Variants in AP1M1 observed in about 807,000 individuals in gnomAD.
AP1M1 encodes the protein adaptor related protein complex 1 subunit mu 1.
In AP1M1, 18 loss-of-function variants were observed where a neutral mutation model predicts 57.1. The observed-to-expected ratio is 0.32, with a 90% confidence interval of 0.22 to 0.47. The LOEUF is 0.47. Ranked by LOEUF, AP1M1 falls within the 20% of genes least tolerant of loss-of-function variation. AP1M1 has a pLI of 1.00. For synonymous variants in AP1M1, 241 were observed against 237.9 expected, an observed-to-expected ratio of 1.01 and a Z score of -0.12; for missense variants, 362 against 593.5, an observed-to-expected ratio of 0.61 and a Z score of 4.05.
intron 1 of AP1M1, among the ~76,000 whole-genome samples, chr19:16,201,918 C>T (rs916705850): frequency 1.3e-5 from 2 of 152,164 alleles, no homozygotes; most frequent in African/African-American, 2.4e-5. Context: ...TGGGGACGGG[C>T]TTGGGCTTTG....
intron 5 of AP1M1, among the ~76,000 whole-genome samples, chr19:16,221,026 G>A (rs926668602): frequency 4.6e-5 from 7 of 152,166 alleles, no homozygotes; most frequent in African/African-American, 1.7e-4. Flanking sequence ...TGTTTCTACT[G>A]TTTGGGATTT....
At chr19:16,229,515 C>T (rs1362512243) in intron 9 of AP1M1, among the ~76,000 whole-genome samples, 3 of 152,198 alleles carry the variant, frequency 2.0e-5, no homozygotes, top group Admixed American at 6.5e-5. Flanking sequence ...GGAGCTGAGC[C>T]GGGTGGCACT....
rs772737904 is a variant in AP1M1, at chr19:16,245,622, G to C, written c.*11187G>C. The C allele has an allele frequency of 6.6e-6, 1 of 152,362 alleles. No individual in the cohort carries two copies. Among genetic ancestry groups the C allele is most frequent in the Non-Finnish European group, 1.5e-5 (1 of 68,050 alleles). The allele number at this position is 152,362 out of a possible 1,614,324, so 9.4% of individuals were successfully genotyped here. A position where few individuals can be genotyped will look rare whatever the true frequency, so the allele number is the denominator to read the frequency against. On this transcript the variant is annotated 3_prime_UTR_variant, in exon 12 of 12. Transcript: ENST00000291439. ...GACAGCATTTGGGGGGGAAAATAGC[G>C]TAGAGTTGGAATTTTTAAAATTCAG...
chr19:16,210,169 C>T (rs187745933), intron 5 of AP1M1, among the ~76,000 whole-genome samples: 3 of 152,300 alleles, frequency 2.0e-5, no homozygotes, highest in East Asian at 1.9e-4. Context: ...TAATTCTTTG[C>T]GATTCATCCA....
intron 5 of AP1M1, among the ~76,000 whole-genome samples, chr19:16,216,084 C>T (rs547902840): frequency 2.0e-4 from 30 of 152,224 alleles, no homozygotes; most frequent in Admixed American, 5.9e-4. Flanking sequence ...TATTATAATT[C>T]TTAGCCTCCT....
intron 9 of AP1M1, among the ~76,000 whole-genome samples, chr19:16,232,611 T>C (rs1361505739): frequency 6.6e-6 from 1 of 152,050 alleles, no homozygotes; most frequent in Non-Finnish European, 1.5e-5. Context: ...TCAGGCAGAG[T>C]CCTCACTCTC....
At chr19:16,210,134 C>T (rs563474941) in intron 5 of AP1M1, among the ~76,000 whole-genome samples, 12 of 152,290 alleles carry the variant, frequency 7.9e-5, no homozygotes, top group Non-Finnish European at 8.8e-5. Context: ...CATGAGCTCT[C>T]GAGTCTGGCT....
rs538364989 is a variant in AP1M1 at position 16,213,649 on chromosome 19, C to T, written c.546+4472C>T. ...AGTTGGGATTACAGGCACGCGCCAC[C>T]ACGCCTGGCGGTTTTCTATTTTTAG... On this transcript the variant is annotated intron_variant, in intron 5 of 11. Transcript: ENST00000291439. Among the ~76,000 whole-genome samples, 51 of 152,228 alleles carry T rather than the reference C, an allele frequency of 3.4e-4. 2 individuals carry two copies. In the South Asian group the frequency reaches 0.011, roughly 32 times the overall value.
intron 5 of AP1M1, among the ~76,000 whole-genome samples, chr19:16,220,528 T>C (rs908521796): frequency 2.0e-4 from 30 of 152,100 alleles, no homozygotes; most frequent in African/African-American, 7.2e-4. Context: ...GTAGTTGAGA[T>C]TACAGGCATG....
chr19:16,210,542 G>A, intron 5 of AP1M1: 1 of 591,872 alleles, frequency 1.7e-6, no homozygotes, highest in South Asian at 2.0e-5. Context: ...TAGTATGTCA[G>A]CACAGTTTTG....
chr19:16,200,700 G>A (rs2091443310), intron 1 of AP1M1, among the ~76,000 whole-genome samples: 1 of 152,218 alleles, frequency 6.6e-6, no homozygotes, highest in Non-Finnish European at 1.5e-5. Context: ...GGAGGAAGCT[G>A]TCCTAGTAGG....
chr19:16,199,920 T>C (rs796626682), intron 1 of AP1M1, among the ~76,000 whole-genome samples: 7 of 152,154 alleles, frequency 4.6e-5, no homozygotes, highest in Non-Finnish European at 1.0e-4. Context: ...AGGGTGTCCA[T>C]TGGCGCCATG....
chr19:16,206,233 A>C lies in AP1M1; in HGVS notation c.200-108A>C, dbSNP rs1006926668. On this transcript the variant is annotated intron_variant, in intron 2 of 11. Transcript: ENST00000291439. The surrounding 1 kb of genome is among the most constrained non-coding windows in gnomAD (Gnocchi z 4.3). ...CAAGTAAACGGCTGGGAGTGGGGAT[A>C]GGGAAGGCTCTGAGGGTTGTGAGGG... 1 of 1,120,082 alleles carries C rather than the reference A, an allele frequency of 8.9e-7. No individual in the cohort carries two copies. The highest frequency in any genetic ancestry group is 1.3e-6 in the Non-Finnish European group (1 of 754,610). 69.4% of individuals were successfully genotyped at this position (1,120,082 alleles called of 1,614,324 possible).
intron 5 of AP1M1, among the ~76,000 whole-genome samples, chr19:16,217,014 G>T (rs2091521895): frequency 6.6e-6 from 1 of 152,206 alleles, no homozygotes. Flanking sequence ...AGCAGCAGCA[G>T]TAGTGGCAGT....
At position 16,226,828 on chromosome 19, in the gene AP1M1, G is replaced by A. The variant is rs2091573322; in HGVS notation, c.673+281G>A. The A allele has an allele frequency of 1.2e-5, 4 of 326,270 alleles. No homozygotes were observed. In the South Asian group the frequency reaches 2.3e-4, roughly 19 times the overall value. The allele number at this position is 326,270 out of a possible 1,614,324, so 20.2% of individuals were successfully genotyped here. A position where few individuals can be genotyped will look rare whatever the true frequency, so the allele number is the denominator to read the frequency against. On this transcript the variant is annotated intron_variant, in intron 6 of 11. Coordinates refer to ENST00000291439, the MANE Select transcript of AP1M1 (RefSeq NM_032493.4). Reference sequence around the variant, plus strand: ...CTGCCCTGCTCTGCCTGGGGCACTGGGGCCTAGGCTAAGGCCTTGCTCTCT... The same window carrying A: ...CTGCCCTGCTCTGCCTGGGGCACTGAGGCCTAGGCTAAGGCCTTGCTCTCT...
At chr19:16,204,687 A>G (rs1345655719) in intron 2 of AP1M1, among the ~76,000 whole-genome samples, 1 of 152,156 alleles carries the variant, frequency 6.6e-6, no homozygotes, top group Non-Finnish European at 1.5e-5. Flanking sequence ...CAGAATCTGC[A>G]TTGTAGGAAG....
At chr19:16,231,669 G>A (rs765192353) in intron 9 of AP1M1, among the ~76,000 whole-genome samples, 4 of 152,086 alleles carry the variant, frequency 2.6e-5, no homozygotes, top group Admixed American at 6.6e-5. Flanking sequence ...TGCCTGCTTC[G>A]GCCTCCCAAA....
chr19:16,206,494 A>G lies in AP1M1; in HGVS notation c.267+86A>G. 7 of 1,439,868 alleles carry G rather than the reference A, an allele frequency of 4.9e-6. No individual in the cohort carries two copies. Among genetic ancestry groups the G allele is most frequent in the Non-Finnish European group, 3.9e-6 (4 of 1,027,532 alleles). 89.2% of individuals were successfully genotyped at this position (1,439,868 alleles called of 1,614,324 possible). A position where few individuals can be genotyped will look rare whatever the true frequency, so the allele number is the denominator to read the frequency against. On this transcript the variant is annotated intron_variant, in intron 3 of 11. Transcript: ENST00000291439. The surrounding 1 kb of genome is among the most constrained non-coding windows in gnomAD (Gnocchi z 4.3). ...ACCTCCCCATACCTGGCCACCCTAC[A>G]GAGAGCTGTGGCATCCCCAGGGAGC... is the stretch of plus-strand genomic sequence containing the variant.
Position 16,199,911 on chromosome 19 carries a change from G to A in AP1M1, c.42+1843G>A, listed in dbSNP as rs1391320523. 4.2e-4 allele frequency among the ~76,000 whole-genome samples: 64 copies of A among 152,184 alleles called. 1 individual carries two copies. Among genetic ancestry groups the A allele is most frequent in the Non-Finnish European group, 5.9e-5 (4 of 68,016 alleles). ...TGCACCCTGCCCTATGCCGGGCATA[G>A]GGTGTCCATTGGCGCCATGGCTGTG... On this transcript the variant is annotated intron_variant, in intron 1 of 11. Transcript: ENST00000291439.
Sources: allele counts gnomAD v4.1 joint callset (sites outside exome capture counted in the v4.1 genomes callset), GRCh38; gene constraint gnomAD v4.1.1; non-coding constraint Gnocchi (gnomAD v3.1); transcripts MANE v1.5; gene names NCBI Gene and HGNC (gene_info 2026-07-23, HGNC 2026-07-21).